Variants in AHRR observed in about 807,000 individuals in gnomAD.
AHRR encodes aryl hydrocarbon receptor repressor, also known as ahR repressor.
In AHRR, 28 loss-of-function variants were observed where a neutral mutation model predicts 44.0. The ratio of observed to expected loss-of-function variants is 0.64; its 90% CI spans 0.47 to 0.87. AHRR has a LOEUF of 0.87. AHRR is among the 40% of genes least tolerant of loss of function. The pLI is 0.00. For missense variants in AHRR, 990 were observed against 953.9 expected (o/e 1.04, Z -0.50); for synonymous variants, 434 against 407.0 (o/e 1.07, Z -0.80).
chr5:381,186 C>T (rs1438643828), intron 4 of AHRR, among the ~76,000 whole-genome samples: 1 of 152,250 alleles, frequency 6.6e-6, no homozygotes, highest in Non-Finnish European at 1.5e-5. Flanking sequence ...TTCTTCCTCT[C>T]TCAGTCCACC....
intron 4 of AHRR, among the ~76,000 whole-genome samples, chr5:382,947 A>C (rs1734042769): frequency 6.6e-6 from 1 of 152,278 alleles, no homozygotes; most frequent in Admixed American, 6.5e-5. Flanking sequence ...GTATTACACA[A>C]ATTTTGGTAT....
chr5:429,362 A>G (rs1413124971), intron 8 of AHRR, among the ~76,000 whole-genome samples: 1 of 152,158 alleles, frequency 6.6e-6, no homozygotes, highest in African/African-American at 2.4e-5. Flanking sequence ...ACTTCCTCTC[A>G]GAGAATCGTG....
chr5:416,957 G>A (rs1461457192), intron 5 of AHRR, among the ~76,000 whole-genome samples: 1 of 151,480 alleles, frequency 6.6e-6, no homozygotes, highest in African/African-American at 2.4e-5. Context: ...CCCGAGTCTA[G>A]AGAAGGCCGC....
Position 370,924 on chromosome 5 carries a change from G to A in AHRR, c.245-5686G>A, listed in dbSNP as rs1743559627. On this transcript the variant is annotated intron_variant, in intron 3 of 10. Transcript: ENST00000684583. The surrounding 1 kb of genome is among the most constrained non-coding windows in gnomAD (Gnocchi z 4.5). Reference sequence around the variant, plus strand: ...CCGACCTCGGGCCGGGCTTTACAGGGCATGTCAGTTAGGGCTCTGCAGAAA... The same window carrying A: ...CCGACCTCGGGCCGGGCTTTACAGGACATGTCAGTTAGGGCTCTGCAGAAA... Among the ~76,000 whole-genome samples the A allele has an allele frequency of 6.6e-6, 1 of 152,206 alleles. No individual in the cohort carries two copies. Among genetic ancestry groups the A allele is most frequent in the Non-Finnish European group, 1.5e-5 (1 of 68,040 alleles).
intron 3 of AHRR, among the ~76,000 whole-genome samples, chr5:360,326 T>C (rs1743133206): frequency 6.6e-6 from 1 of 152,210 alleles, no homozygotes; most frequent in Admixed American, 6.5e-5. Flanking sequence ...GGCTTTTAGC[T>C]CCAGAAATGT....
At chr5:376,929 T>TG (rs1733735031) in intron 4 of AHRR, among the ~76,000 whole-genome samples, 1 of 152,150 alleles carries the variant, frequency 6.6e-6, no homozygotes, top group African/African-American at 2.4e-5. Context: ...GTGAGCCTCG[T>TG]AGGCTGGGAC....
intron 5 of AHRR, among the ~76,000 whole-genome samples, chr5:415,782 C>G (rs1735780319): frequency 6.6e-6 from 1 of 152,114 alleles, no homozygotes. Flanking sequence ...CTCGCCCACA[C>G]TAGTCCCTGA....
In AHRR at chr5:337,200, G is replaced by GATT. The variant is rs1742170027; in HGVS notation, c.-10-6693_-10-6692insATT. On this transcript the variant is annotated intron_variant, in intron 1 of 10. Coordinates refer to ENST00000684583, the MANE Select transcript of AHRR (RefSeq NM_001377236.1). This position sits in a 1 kb window ranked among gnomAD's most constrained non-coding sequence, Gnocchi z 4.1. Reference sequence around the variant, plus strand: ...GCATAGGTAATCAACTATCAATATTGGCTGATCCAGTTTCATTTAAAGTCC... The same window carrying GATT: ...GCATAGGTAATCAACTATCAATATTGATTGCTGATCCAGTTTCATTTAAAGTCC... Among the ~76,000 whole-genome samples the GATT allele has an allele frequency of 6.6e-6, 1 of 151,750 alleles. No individual in the cohort carries two copies. The highest frequency in any genetic ancestry group is 6.6e-5 in the Admixed American group (1 of 15,244).
rs547974327 is a variant in AHRR, at chr5:404,346, T to C, written c.352-8998T>C. On this transcript the variant is annotated intron_variant, in intron 4 of 10. Coordinates refer to ENST00000684583, the MANE Select transcript of AHRR (RefSeq NM_001377236.1). The surrounding 1 kb of genome is among the most constrained non-coding windows in gnomAD (Gnocchi z 4.1). ...TAAAAGCTGTTTCACTCTTTTTTTTTTCTTTTTTCCTTCATTCTGGGTGTC... is the reference window on the plus strand; with the variant it reads ...TAAAAGCTGTTTCACTCTTTTTTTTCTCTTTTTTCCTTCATTCTGGGTGTC... 8.3e-5 allele frequency: 41 copies of C among 491,348 alleles called. No individual in the cohort carries two copies. Among genetic ancestry groups the C allele is most frequent in the Non-Finnish European group, 1.5e-4 (38 of 246,928 alleles). The allele number at this position is 491,348 out of a possible 1,614,324, so 30.4% of individuals were successfully genotyped here.
In AHRR at chr5:435,107, G is replaced by A; in HGVS notation, c.*273G>A. On this transcript the variant is annotated 3_prime_UTR_variant, in exon 11 of 11. Coordinates refer to ENST00000684583, the MANE Select transcript of AHRR (RefSeq NM_001377236.1). The stretch of plus-strand genomic sequence containing the variant: ...TTGAGGAATTAAAATCTTTAGGAAA[G>A]TGATCATGGCTGGACAGCTTCATGC... 1 of 480,838 alleles carries A rather than the reference G, an allele frequency of 2.1e-6. No individual in the cohort carries two copies. Among genetic ancestry groups the A allele is most frequent in the Non-Finnish European group, 3.7e-6 (1 of 272,430 alleles). The allele number at this position is 480,838 out of a possible 1,614,324, so 29.8% of individuals were successfully genotyped here.
At chr5:398,581 G>A (rs11958189) in intron 4 of AHRR, among the ~76,000 whole-genome samples, 21,277 of 152,290 alleles carry the variant, frequency 0.14, 1,816 homozygotes, top group Non-Finnish European at 0.18. Context: ...CCAGCAGGCA[G>A]TGTCAGCACA....
At chr5:353,393 CCCT>C (rs1249961380) in intron 2 of AHRR, among the ~76,000 whole-genome samples, 1 of 152,182 alleles carries the variant, frequency 6.6e-6, no homozygotes, top group Non-Finnish European at 1.5e-5. Context: ...GCGTCCTCCT[CCCT>C]CCTCAGGGAT....
At chr5:371,058 A>C (rs1055124970) in intron 3 of AHRR, among the ~76,000 whole-genome samples, 1 of 152,170 alleles carries the variant, frequency 6.6e-6, no homozygotes, top group African/African-American at 2.4e-5. Context: ...GTCCAAGCCC[A>C]GAGGCCTGAG....
intron 4 of AHRR, among the ~76,000 whole-genome samples, chr5:390,636 G>C (rs114826647): frequency 0.01 from 1,561 of 152,246 alleles, 30 homozygotes; most frequent in African/African-American, 0.036. Context: ...GCTCCAGGAA[G>C]ATCGGAGGGC....
intron 5 of AHRR, among the ~76,000 whole-genome samples, chr5:415,771 G>A (rs916389535): frequency 3.9e-5 from 6 of 152,030 alleles, no homozygotes; most frequent in Non-Finnish European, 7.4e-5. Flanking sequence ...GAACCACCCC[G>A]CTCGCCCACA....
In AHRR at chr5:434,388, C is replaced by T. The variant is rs758247951; in HGVS notation, c.1648C>T (p.Pro550Ser). 6.2e-7 allele frequency: 1 copy of T among 1,613,524 alleles called. No individual in the cohort carries two copies. The highest frequency in any genetic ancestry group is 1.1e-5 in the South Asian group (1 of 91,058). Residue 550 changes from proline (P) to serine (S), a missense_variant, in exon 11 of 11, where the codon CCC becomes TCC. Transcript: ENST00000684583. ...TGAGGGTGCTGCAGACGGCTGTGTG[C>T]CCAGCCAGGTGTGGCTGGGGGCCAG... ...GCEGAADGCV[P>S]SQVWLGASDR...
chr5:420,654 G>A (rs1407327298), intron 5 of AHRR, among the ~76,000 whole-genome samples: 2 of 152,256 alleles, frequency 1.3e-5, no homozygotes, highest in Non-Finnish European at 2.9e-5. Context: ...GAGGATGGAA[G>A]GGTTGGGCCT....
chr5:327,529 C>T (rs1037365544), intron 1 of AHRR, among the ~76,000 whole-genome samples: 1 of 152,152 alleles, frequency 6.6e-6, no homozygotes, highest in African/African-American at 2.4e-5. Context: ...CAGTTCCATC[C>T]ATGTTGCTGC....
Position 404,424 on chromosome 5 carries a change from G to A in AHRR, c.352-8920G>A, listed in dbSNP as rs184998580. Reference sequence around the variant, plus strand: ...ATTTAGGAAGGAGAGTCTTGGGGCAGAAGCAACAGGGGACCACTGTGCTGG... The same window carrying A: ...ATTTAGGAAGGAGAGTCTTGGGGCAAAAGCAACAGGGGACCACTGTGCTGG... On this transcript the variant is annotated intron_variant, in intron 4 of 10. Transcript: ENST00000684583. This position sits in a 1 kb window ranked among gnomAD's most constrained non-coding sequence, Gnocchi z 4.1. 59 of 538,118 alleles carry A rather than the reference G, an allele frequency of 1.1e-4. No individual in the cohort carries two copies. In the East Asian group the frequency reaches 3.0e-3, roughly 27 times the overall value. The allele number at this position is 538,118 out of a possible 1,614,324, so 33.3% of individuals were successfully genotyped here. A position where few individuals can be genotyped will look rare whatever the true frequency, so the allele number is the denominator to read the frequency against.
Sources: allele counts gnomAD v4.1 joint callset (sites outside exome capture counted in the v4.1 genomes callset), GRCh38; gene constraint gnomAD v4.1.1; non-coding constraint Gnocchi (gnomAD v3.1); transcripts MANE v1.5; gene names NCBI Gene and HGNC (gene_info 2026-07-23, HGNC 2026-07-21).